The following PLEKHA8 variants were observed in gnomAD, a reference collection of about 807,000 sequenced individuals.
The protein encoded by PLEKHA8 is pleckstrin homology domain-containing family A member 8.
PLEKHA8 carries 36 observed loss-of-function variants against 68.2 expected under a neutral mutation model. The observed-to-expected ratio is 0.53, with a 90% CI of 0.40 to 0.70. The LOEUF (loss-of-function observed/expected upper bound fraction) is 0.70. Among genes scored for constraint, PLEKHA8 ranks in the 30% least tolerant of loss-of-function variants. The pLI is 0.00. For missense variants in PLEKHA8, 505 were observed against 615.4 expected, an observed-to-expected ratio of 0.82 and a Z score of 1.90; for synonymous variants, 211 against 216.1, an observed-to-expected ratio of 0.98 and a Z score of 0.20.
At chr7:30,126,875 A>T (rs1796781811) in intron 13 of PLEKHA8, among the ~76,000 whole-genome samples, 2 of 152,222 alleles carry the variant, frequency 1.3e-5, no homozygotes, top group East Asian at 3.8e-4. Context: ...ATCTTCTACT[A>T]GGTCCCTCCC....
At chr7:30,060,967 G>A in intron 10 of PLEKHA8, 25 bp downstream of exon 10, 1 of 1,603,182 alleles carries the variant, frequency 6.2e-7, no homozygotes, top group Non-Finnish European at 8.5e-7. Context: ...TTGTCTCTGT[G>A]GAAACTTTTA....
In PLEKHA8 at chr7:30,073,563, T is replaced by TAA. The variant is rs35738941; in HGVS notation, c.1301-483_1301-482dup. On this transcript the variant is annotated intron_variant, in intron 12 of 13. Transcript: ENST00000449726. ...TAAGAGTGGAAGTATTTGTGTTTCTTAAAAAAAAAAAAAAAAAAAAAAAAA... is the reference window on the plus strand; with the variant it reads ...TAAGAGTGGAAGTATTTGTGTTTCTTAAAAAAAAAAAAAAAAAAAAAAAAAAA... Among the ~76,000 whole-genome samples, 409 of 111,766 alleles carry TAA rather than the reference T, an allele frequency of 3.7e-3. 3 individuals are homozygous for TAA. Among genetic ancestry groups the TAA allele is most frequent in the African/African-American group, 8.7e-3 (245 of 28,062 alleles). The allele number at this position is 111,766 out of a possible 152,430, so 73.3% of individuals were successfully genotyped here.
Position 30,034,022 on chromosome 7 carries a change from T to C in PLEKHA8, c.40+5220T>C, listed in dbSNP as rs1406899074. Among the ~76,000 whole-genome samples the C allele has an allele frequency of 4.2e-5, 5 of 120,098 alleles. No homozygotes were observed. The East Asian group carries it at 1.2e-3, about 29-fold the overall frequency. The allele number at this position is 120,098 out of a possible 152,430, so 78.8% of individuals were successfully genotyped here. On this transcript the variant is annotated intron_variant, in intron 1 of 13. Coordinates refer to ENST00000449726, the MANE Select transcript of PLEKHA8 (RefSeq NM_001197026.2). ...TTGTAAGAGGTTTCTTTTTTTTTTT[T>C]TTTTTTTTTTTTTTTTTTTTGAGAC...
chr7:30,067,692 A>G (rs376065470), intron 12 of PLEKHA8, among the ~76,000 whole-genome samples: 1 of 152,204 alleles, frequency 6.6e-6, no homozygotes, highest in African/African-American at 2.4e-5. Context: ...AGCATCTAGC[A>G]TTGGACTACA....
Position 30,046,278 on chromosome 7 carries a change from A to G in PLEKHA8, c.226A>G (p.Arg76Gly), listed in dbSNP as rs775848427. Residue 76 changes from arginine (R) to glycine (G), a missense_variant, in exon 3 of 14, where the codon AGA becomes GGA. Transcript: ENST00000449726. ...GGAACAGTATTTCTACCTGAAGGCC[A>G]GAAGTGTGGCTGAAAGACAGCGGTG... The part of the protein sequence containing the change: ...PGEQYFYLKA[R>G]SVAERQRWLV... The G allele has an allele frequency of 1.2e-6, 2 of 1,614,020 alleles. No individual in the cohort carries two copies.
chr7:30,061,865 A>C (rs745426371), intron 10 of PLEKHA8, 32 bp from the exon 11 acceptor site: 5 of 1,612,252 alleles, frequency 3.1e-6, no homozygotes, highest in Non-Finnish European at 4.2e-6. Flanking sequence ...TCAGCATTTT[A>C]AACTTAGGTT....
intron 1 of PLEKHA8, among the ~76,000 whole-genome samples, chr7:30,036,680 T>G (rs532078279): frequency 1.4e-3 from 213 of 152,280 alleles, no homozygotes; most frequent in African/African-American, 4.9e-3. Flanking sequence ...CAGAAGGTTT[T>G]AAAGAGAATT....
In PLEKHA8 at chr7:30,080,004, C is replaced by G; in HGVS notation, c.*1217C>G. ...TCAGCAGCATTCTTAATTGAGCCAG[C>G]ATTGACACCCAGCCAGCAGGCCTTT... On this transcript the variant is annotated 3_prime_UTR_variant, in exon 14 of 14. Transcript: ENST00000449726. 7.1e-6 allele frequency: 7 copies of G among 984,936 alleles called. No homozygotes were observed. The highest frequency in any genetic ancestry group is 6.0e-6 in the Non-Finnish European group (5 of 829,872). The allele number at this position is 984,936 out of a possible 1,614,324, so 61.0% of individuals were successfully genotyped here.
At chr7:30,112,902 T>A (rs1042922031) in intron 13 of PLEKHA8, among the ~76,000 whole-genome samples, 62 of 145,594 alleles carry the variant, frequency 4.3e-4, no homozygotes, top group Non-Finnish European at 7.6e-4. Context: ...TCTGTCTCTT[T>A]AAAAAAAAAA....
intron 13 of PLEKHA8, among the ~76,000 whole-genome samples, chr7:30,100,256 A>T (rs1430077738): frequency 6.6e-6 from 1 of 152,156 alleles, no homozygotes; most frequent in Non-Finnish European, 1.5e-5. Flanking sequence ...TAGGATTTAA[A>T]TATATCTTTT....
At chr7:30,110,749 A>G (rs954532097) in intron 13 of PLEKHA8, among the ~76,000 whole-genome samples, 2 of 152,184 alleles carry the variant, frequency 1.3e-5, no homozygotes, top group African/African-American at 4.8e-5. Context: ...GCAAGTGTGA[A>G]GTAGATATCT....
intron 7 of PLEKHA8, among the ~76,000 whole-genome samples, chr7:30,053,606 A>G (rs950377039): frequency 4.6e-5 from 7 of 152,214 alleles, no homozygotes; most frequent in Non-Finnish European, 1.0e-4. Flanking sequence ...TGGGTAAATA[A>G]TAAAGACAGA....
chr7:30,046,937 C>T (rs1443827459), intron 3 of PLEKHA8, among the ~76,000 whole-genome samples: 1 of 152,106 alleles, frequency 6.6e-6, no homozygotes, highest in Non-Finnish European at 1.5e-5. Flanking sequence ...GAACTGTGGC[C>T]CAGCTTTCTC....
At chr7:30,053,849 G>A (rs1266286888) in intron 7 of PLEKHA8, among the ~76,000 whole-genome samples, 1 of 152,160 alleles carries the variant, frequency 6.6e-6, no homozygotes, top group Admixed American at 6.6e-5. Context: ...ACAAGGTTAG[G>A]TTCCTGCAAG....
At chr7:30,089,686 A>G (rs1380163801) in intron 12 of PLEKHA8, among the ~76,000 whole-genome samples, 2 of 152,138 alleles carry the variant, frequency 1.3e-5, no homozygotes, top group African/African-American at 4.8e-5. Context: ...TGGAGTGGGA[A>G]ACAGGTGAAA....
At chr7:30,034,980 T>C (rs1790956863) in intron 1 of PLEKHA8, among the ~76,000 whole-genome samples, 1 of 152,238 alleles carries the variant, frequency 6.6e-6, no homozygotes, top group Non-Finnish European at 1.5e-5. Context: ...TAGTTTTTAG[T>C]GCTTACATTT....
intron 12 of PLEKHA8, among the ~76,000 whole-genome samples, chr7:30,067,430 A>G (rs1238197925): frequency 1.3e-5 from 2 of 152,216 alleles, no homozygotes; most frequent in Non-Finnish European, 2.9e-5. Flanking sequence ...TGTTTGCACC[A>G]TTGCACTCCA....
intron 13 of PLEKHA8, among the ~76,000 whole-genome samples, chr7:30,099,276 C>G (rs1583467614): frequency 6.6e-6 from 1 of 152,150 alleles, no homozygotes; most frequent in African/African-American, 2.4e-5. Context: ...CTGCGGTATC[C>G]AAGTCACCAA....
Position 30,097,947 on chromosome 7 carries a change from C to A in PLEKHA8, c.1362+23815C>A, listed in dbSNP as rs1031509713. ...TTTTTCTGCTCTGTTTTTTCCCCAT[C>A]TTTGTGGTTTTATCTACCTTTGGTC... On this transcript the variant is annotated intron_variant, in intron 13 of 13. Transcript: ENST00000396257. Among the ~76,000 whole-genome samples the A allele has an allele frequency of 1.9e-4, 29 of 152,178 alleles. 1 individual carries two copies. The highest frequency in any genetic ancestry group is 5.9e-4 in the Admixed American group (9 of 15,278).
Sources: gnomAD v4.1 joint callset for allele counts (sites outside exome capture counted in the v4.1 genomes callset) on GRCh38, gnomAD v4.1.1 for gene constraint, MANE v1.5 for transcripts, NCBI Gene and HGNC (gene_info 2026-07-23, HGNC 2026-07-21) for gene names.